Variants in JAKMIP1 observed in about 807,000 individuals in gnomAD.
The protein encoded by JAKMIP1 is janus kinase and microtubule-interacting protein 1.
JAKMIP1 carries 33 observed loss-of-function variants against 113.0 expected under a neutral mutation model. The ratio of observed to expected loss-of-function variants is 0.29; its 90% CI spans 0.22 to 0.39. The LOEUF is 0.39. JAKMIP1 is among the 10% of genes least tolerant of loss of function. The probability of loss-of-function intolerance (pLI) is 1.00; values close to 1 mark genes in which losing one functional copy is unlikely to be tolerated. For synonymous variants in JAKMIP1, 480 were observed against 459.9 expected, an observed-to-expected ratio of 1.04 and a Z score of -0.56; for missense variants, 813 against 1,080.5, an observed-to-expected ratio of 0.75 and a Z score of 3.47.
intron 20 of JAKMIP1, among the ~76,000 whole-genome samples, chr4:6,026,666 C>G (rs75157039): frequency 0.017 from 2,564 of 151,824 alleles, 73 homozygotes; most frequent in African/African-American, 0.058. Flanking sequence ...CACCAAGAGA[C>G]GGGGGCGTGA....
intron 2 of JAKMIP1, among the ~76,000 whole-genome samples, chr4:6,110,465 C>T (rs1421332733): frequency 2.0e-5 from 3 of 151,328 alleles, no homozygotes; most frequent in African/African-American, 7.3e-5. Flanking sequence ...CAAGCTAACA[C>T]ACCTGGGCAA....
chr4:6,189,026 T>C (rs1372926178), intron 1 of JAKMIP1, among the ~76,000 whole-genome samples: 1 of 152,158 alleles, frequency 6.6e-6, no homozygotes, highest in Admixed American at 6.5e-5. Flanking sequence ...CTGCCGGGCA[T>C]AATGAGCTCA....
chr4:6,042,011 C>T lies in JAKMIP1; in HGVS notation c.2097+148G>A. 1.6e-6 allele frequency: 1 copy of T among 639,936 alleles called. No homozygotes were observed. The highest frequency in any genetic ancestry group is 2.8e-6 in the Non-Finnish European group (1 of 358,220). 39.6% of individuals were successfully genotyped at this position (639,936 alleles called of 1,614,324 possible). A position where few individuals can be genotyped will look rare whatever the true frequency, so the allele number is the denominator to read the frequency against. ...AGTGAAAGAGTAAGTAAATGGGTGA[C>T]AATTACTTAGAACAACCACTGGGGC... On this transcript the variant is annotated intron_variant, in intron 17 of 20. Transcript: ENST00000409021. This position sits in a 1 kb window ranked among gnomAD's most constrained non-coding sequence, Gnocchi z 5.2.
At chr4:6,174,626 C>T (rs995061693) in intron 1 of JAKMIP1, among the ~76,000 whole-genome samples, 1 of 152,168 alleles carries the variant, frequency 6.6e-6, no homozygotes, top group African/African-American at 2.4e-5. Context: ...TGCTGCAGCC[C>T]TCAGTTTCCC....
chr4:6,037,750 T>C (rs77044341), intron 18 of JAKMIP1, among the ~76,000 whole-genome samples: 1,012 of 36,872 alleles, frequency 0.027, 36 homozygotes, highest in African/African-American at 0.082. Flanking sequence ...AGAGGCTAAC[T>C]GGTAGCCCTC....
At chr4:6,191,692 C>T (rs1032850735) in intron 1 of JAKMIP1, among the ~76,000 whole-genome samples, 11 of 152,176 alleles carry the variant, frequency 7.2e-5, no homozygotes, top group Non-Finnish European at 1.2e-4. Flanking sequence ...CTTACAGCTA[C>T]AGCAGCAAGG....
chr4:6,038,973 C>A (rs747963999), intron 18 of JAKMIP1, among the ~76,000 whole-genome samples: 1 of 152,256 alleles, frequency 6.6e-6, no homozygotes, highest in African/African-American at 2.4e-5. Flanking sequence ...CCAGCATGGA[C>A]ACATGGCCCT....
intron 1 of JAKMIP1, among the ~76,000 whole-genome samples, chr4:6,126,799 C>T (rs114049370): frequency 0.042 from 6,444 of 151,866 alleles, 434 homozygotes; most frequent in African/African-American, 0.14. Flanking sequence ...CACAAGCGCA[C>T]GCACACACAT....
rs1459889068 is a variant in JAKMIP1, at chr4:6,061,204, G to A, written c.1561-697C>T. Among the ~76,000 whole-genome samples the A allele has an allele frequency of 2.0e-5, 3 of 152,346 alleles. No homozygotes were observed. In the East Asian group the frequency reaches 5.8e-4, roughly 29 times the overall value. On this transcript the variant is annotated intron_variant, in intron 10 of 20. Transcript: ENST00000409021. This position sits in a 1 kb window ranked among gnomAD's most constrained non-coding sequence, Gnocchi z 5.3. ...CTATAGAATCTCTTGATTTTTAAAT[G>A]TTGGCAAGTAGATGAAATTTAAAAA...
At chr4:6,152,909 T>C (rs994285225) in intron 1 of JAKMIP1, among the ~76,000 whole-genome samples, 2 of 151,378 alleles carry the variant, frequency 1.3e-5, no homozygotes, top group African/African-American at 4.9e-5. Context: ...AGGCGGAGGT[T>C]GCAGTGAGCC....
intron 1 of JAKMIP1, among the ~76,000 whole-genome samples, chr4:6,177,455 C>A (rs1477190693): frequency 6.6e-6 from 1 of 152,200 alleles, no homozygotes; most frequent in Non-Finnish European, 1.5e-5. Flanking sequence ...AACAAGCCCT[C>A]CATGTTTGCC....
rs138612477 is a variant in JAKMIP1, at chr4:6,108,131, A to G, written c.130-2164T>C. On this transcript the variant is annotated intron_variant, in intron 2 of 20. Coordinates refer to ENST00000409021, the MANE Select transcript of JAKMIP1 (RefSeq NM_001099433.2). The surrounding 1 kb of genome is among the most constrained non-coding windows in gnomAD (Gnocchi z 5.6). ...AGGTGTGTAGGGCAGGGATGGTGAC[A>G]GAGAGGCAGGGGCCTGGGGACAGGG... 1.5e-4 allele frequency among the ~76,000 whole-genome samples: 23 copies of G among 152,190 alleles called. 1 individual carries two copies. The East Asian group carries it at 4.5e-3, about 29-fold the overall frequency.
intron 3 of JAKMIP1, among the ~76,000 whole-genome samples, chr4:6,087,717 T>C (rs1412939118): frequency 1.3e-5 from 2 of 152,174 alleles, no homozygotes; most frequent in African/African-American, 2.4e-5. Context: ...ACCTCTCTCT[T>C]ATGTGCTAGT....
chr4:6,174,138 T>C (rs1277383173), intron 1 of JAKMIP1, among the ~76,000 whole-genome samples: 1 of 152,198 alleles, frequency 6.6e-6, no homozygotes, highest in African/African-American at 2.4e-5. Flanking sequence ...ATTCATTTCC[T>C]ACTCGAACAT....
intron 1 of JAKMIP1, among the ~76,000 whole-genome samples, chr4:6,124,185 C>T (rs982862769): frequency 6.6e-6 from 1 of 152,182 alleles, no homozygotes; most frequent in African/African-American, 2.4e-5. Context: ...GCCGTGCGGA[C>T]GGCACCACGT....
intron 1 of JAKMIP1, among the ~76,000 whole-genome samples, chr4:6,164,423 CA>C (rs1183072016): frequency 6.6e-6 from 1 of 152,092 alleles, no homozygotes; most frequent in Non-Finnish European, 1.5e-5. Context: ...GGCTCATTGA[CA>C]AGAGCTCTGA....
intron 1 of JAKMIP1, among the ~76,000 whole-genome samples, chr4:6,148,579 T>C (rs1721162384): frequency 6.6e-6 from 1 of 152,240 alleles, no homozygotes; most frequent in Non-Finnish European, 1.5e-5. Flanking sequence ...TTTCACCCAG[T>C]TCCATTCACC....
In JAKMIP1 at chr4:6,197,489, T is replaced by G. The variant is rs549040216; in HGVS notation, c.-148+2764A>C. Among the ~76,000 whole-genome samples, 1 of 152,344 alleles carries G rather than the reference T, an allele frequency of 6.6e-6. No individual in the cohort carries two copies. Among genetic ancestry groups the G allele is most frequent in the African/African-American group, 2.4e-5 (1 of 41,582 alleles). ...ACCAACCTAGCCAAAGAGATGCCAC[T>G]GCCCCCTTTTATACAGGAAATGGAG... On this transcript the variant is annotated intron_variant, in intron 1 of 20. Coordinates refer to ENST00000409021, the MANE Select transcript of JAKMIP1 (RefSeq NM_001099433.2). The surrounding 1 kb of genome is among the most constrained non-coding windows in gnomAD (Gnocchi z 6.5).
intron 11 of JAKMIP1, among the ~76,000 whole-genome samples, chr4:6,057,427 T>A (rs1014165383): frequency 2.0e-5 from 3 of 152,048 alleles, no homozygotes; most frequent in Admixed American, 6.5e-5. Context: ...CCGGGCTCAC[T>A]GAGTCTTGTT....
Sources: allele counts gnomAD v4.1 joint callset (sites outside exome capture counted in the v4.1 genomes callset), GRCh38; gene constraint gnomAD v4.1.1; non-coding constraint Gnocchi (gnomAD v3.1); transcripts MANE v1.5; gene names NCBI Gene and HGNC (gene_info 2026-07-23, HGNC 2026-07-21).